The following TTC39B variants were observed in gnomAD, a reference collection of about 807,000 sequenced individuals.
TTC39B encodes tetratricopeptide repeat domain 39B.
A neutral mutation model predicts 96.6 loss-of-function variants in TTC39B; 92 were observed. The ratio of observed to expected loss-of-function variants is 0.95; its 90% CI spans 0.80 to 1.13. TTC39B has a LOEUF of 1.13. TTC39B is among the 50% of genes most tolerant of loss of function. The probability of loss-of-function intolerance (pLI) is 0.00; values close to 1 mark genes in which losing one functional copy is unlikely to be tolerated. For missense variants in TTC39B, 955 were observed against 809.3 expected, an observed-to-expected ratio of 1.18 and a Z score of -2.18; for synonymous variants, 367 against 299.4, an observed-to-expected ratio of 1.23 and a Z score of -2.33.
intron 1 of TTC39B, among the ~76,000 whole-genome samples, chr9:15,299,171 C>A (rs1366505933): frequency 2.0e-5 from 3 of 152,216 alleles, no homozygotes; most frequent in African/African-American, 7.2e-5. Context: ...CAATACTCAA[C>A]ACATTAAGTC....
chr9:15,256,448 TA>T (rs1822754554), intron 2 of TTC39B, among the ~76,000 whole-genome samples: 1 of 152,174 alleles, frequency 6.6e-6, no homozygotes, highest in South Asian at 2.1e-4. Context: ...TCAACACATA[TA>T]TACTGAGCAC....
Position 15,216,351 on chromosome 9 carries a change from G to C in TTC39B, c.372-2102C>G, listed in dbSNP as rs147205132. Among the ~76,000 whole-genome samples, 762 of 152,248 alleles carry C rather than the reference G, an allele frequency of 5.0e-3. 7 individuals carry two copies. The highest frequency in any genetic ancestry group is 0.017 in the African/African-American group (725 of 41,506). On this transcript the variant is annotated intron_variant, in intron 3 of 19. Transcript: ENST00000512701. Reference sequence around the variant, plus strand: ...GTGGATGGACGGGTACAACTGCTCTGAGTAGAAACAGAGACTTCTTCATGC... The same window carrying C: ...GTGGATGGACGGGTACAACTGCTCTCAGTAGAAACAGAGACTTCTTCATGC...
intron 2 of TTC39B, among the ~76,000 whole-genome samples, chr9:15,240,797 C>A (rs1822003409): frequency 6.6e-6 from 1 of 152,152 alleles, no homozygotes; most frequent in African/African-American, 2.4e-5. Flanking sequence ...AGTCTTCCAA[C>A]CTTTCACTAC....
rs556409838 is a variant in TTC39B at position 15,235,148 on chromosome 9, C to T, written c.276-9136G>A. On this transcript the variant is annotated intron_variant, in intron 2 of 19. Coordinates refer to ENST00000512701, the Ensembl canonical transcript of TTC39B. ...TTGAAAGTTTTAACAATAGACTGGA[C>T]CAGGCAGAAGAAAGTATTTCAGAGC... 2.6e-5 allele frequency among the ~76,000 whole-genome samples: 4 copies of T among 152,134 alleles called. No individual in the cohort carries two copies. The South Asian group carries it at 8.3e-4, about 32-fold the overall frequency.
intron 10 of TTC39B, 136 bp from the exon 11 acceptor site, chr9:15,190,798 T>C: frequency 1.4e-6 from 1 of 725,130 alleles, no homozygotes; most frequent in South Asian, 1.8e-5. Flanking sequence ...AGTCTGGGCT[T>C]TTAGTGTCCC....
At chr9:15,300,703 T>A (rs541904126) in intron 1 of TTC39B, among the ~76,000 whole-genome samples, 1 of 152,146 alleles carries the variant, frequency 6.6e-6, no homozygotes, top group East Asian at 1.9e-4. Flanking sequence ...CTGGCCAACA[T>A]GGCGAAACCC....
chr9:15,173,749 A>G (rs1311926946), intron 19 of TTC39B, among the ~76,000 whole-genome samples: 1 of 152,182 alleles, frequency 6.6e-6, no homozygotes, highest in African/African-American at 2.4e-5. Context: ...GTTGACTGCA[A>G]TCTCTACATT....
intron 2 of TTC39B, among the ~76,000 whole-genome samples, chr9:15,242,129 T>A (rs973664000): frequency 6.6e-6 from 1 of 152,236 alleles, no homozygotes; most frequent in Non-Finnish European, 1.5e-5. Context: ...CAGCACCTAG[T>A]ACAGTGTCTT....
At chr9:15,225,552 A>T (rs1016877073) in intron 3 of TTC39B, among the ~76,000 whole-genome samples, 3 of 152,304 alleles carry the variant, frequency 2.0e-5, no homozygotes, top group Admixed American at 1.3e-4. Flanking sequence ...TGTTCAAGTG[A>T]TCATCATTAT....
chr9:15,226,117 ATCTTACCTCCATT>A lies in TTC39B; in HGVS notation c.276-118_276-106del. The A allele has an allele frequency of 4.8e-6, 4 of 837,292 alleles. No individual in the cohort carries two copies. In the South Asian group the frequency reaches 7.8e-5, roughly 16 times the overall value. 51.9% of individuals were successfully genotyped at this position (837,292 alleles called of 1,614,324 possible). A position where few individuals can be genotyped will look rare whatever the true frequency, so the allele number is the denominator to read the frequency against. On this transcript the variant is annotated intron_variant, in intron 2 of 19. Transcript: ENST00000512701. ...ATAAGTCTTCCAATTATTTTTATAC[ATCTTACCTCCATT>A]TCTTATCAATTTTAAAAATCAAGTA...
At chr9:15,233,824 G>C (rs956495191) in intron 2 of TTC39B, among the ~76,000 whole-genome samples, 2 of 151,050 alleles carry the variant, frequency 1.3e-5, no homozygotes, top group Admixed American at 1.3e-4. Flanking sequence ...CCCATCCTCT[G>C]GGATGTGAGG....
At chr9:15,214,309 G>T in intron 3 of TTC39B, 60 bp from the exon 4 acceptor site, 3 of 1,231,512 alleles carry the variant, frequency 2.4e-6, no homozygotes, top group Admixed American at 3.5e-5. Context: ...CAAGTTGTCC[G>T]AAGGGAGTGT....
Position 15,253,028 on chromosome 9 carries a change from A to G in TTC39B, c.275+14886T>C, listed in dbSNP as rs143389722. Among the ~76,000 whole-genome samples, 1,105 of 152,328 alleles carry G rather than the reference A, an allele frequency of 7.3e-3. 6 individuals carry two copies. The highest frequency in any genetic ancestry group is 0.024 in the Middle Eastern group (7 of 294). ...ACACTGAAATAATCCCAAACATACC[A>G]TATGTATGTCCTTGCACAGGCTTCA... On this transcript the variant is annotated intron_variant, in intron 2 of 19. Transcript: ENST00000512701.
chr9:15,173,711 T>A (rs1041726882), intron 19 of TTC39B, among the ~76,000 whole-genome samples: 1 of 152,150 alleles, frequency 6.6e-6, no homozygotes, highest in Non-Finnish European at 1.5e-5. Context: ...TCACACGCCA[T>A]TGCTTTAAAT....
At position 15,177,785 on chromosome 9, in the gene TTC39B, A is replaced by C. The variant is rs766126168; in HGVS notation, c.1753T>G (p.Cys585Gly). The change falls in exon 18 of 20, where the codon TGC becomes GGC. Residue 585 changes from cysteine (C) to glycine (G), a missense_variant. Coordinates refer to ENST00000512701, the Ensembl canonical transcript of TTC39B. Reference sequence around the variant, plus strand: ...CATCCTTTAAGTAACTTCACTAAGCACTCATCATCCACAGAGAAGCTGTTA... The same window carrying C: ...CATCCTTTAAGTAACTTCACTAAGCCCTCATCATCCACAGAGAAGCTGTTA... 7 of 1,612,128 alleles carry C rather than the reference A, an allele frequency of 4.3e-6. No individual in the cohort carries two copies. The highest frequency in any genetic ancestry group is 5.1e-6 in the Non-Finnish European group (6 of 1,179,090).
At chr9:15,208,648 C>T (rs1371158114) in intron 6 of TTC39B, among the ~76,000 whole-genome samples, 1 of 152,130 alleles carries the variant, frequency 6.6e-6, no homozygotes, top group Non-Finnish European at 1.5e-5. Context: ...TACATTCTTA[C>T]AAATAGTTGG....
At chr9:15,303,564 G>C (rs1002713430) in intron 1 of TTC39B, among the ~76,000 whole-genome samples, 2 of 151,822 alleles carry the variant, frequency 1.3e-5, no homozygotes, top group Admixed American at 6.6e-5. Context: ...TTTTTGTAGA[G>C]ACAGGGTCTC....
intron 18 of TTC39B, among the ~76,000 whole-genome samples, chr9:15,176,892 T>G (rs1817969954): frequency 6.6e-6 from 1 of 152,320 alleles, no homozygotes; most frequent in South Asian, 2.1e-4. Flanking sequence ...AGTACCCTGA[T>G]TCAACTCTAT....
At chr9:15,202,610 G>A (rs1004233571) in intron 7 of TTC39B, among the ~76,000 whole-genome samples, 1 of 151,850 alleles carries the variant, frequency 6.6e-6, no homozygotes, top group Non-Finnish European at 1.5e-5. Flanking sequence ...TACTCGGGGG[G>A]CTGAGACAGA....
Sources: allele counts gnomAD v4.1 joint callset (sites outside exome capture counted in the v4.1 genomes callset), GRCh38; gene constraint gnomAD v4.1.1; transcripts MANE v1.5; gene names NCBI Gene and HGNC (gene_info 2026-07-23, HGNC 2026-07-21).